NTM: variants seen among roughly 807,000 people sequenced by gnomAD.
The protein encoded by NTM is IgLON family member 2.
Under a neutral mutation model 42.1 loss-of-function variants are expected in NTM, and 13 were observed. The observed-to-expected ratio is 0.31, with a 90% CI of 0.20 to 0.49. The LOEUF (loss-of-function observed/expected upper bound fraction) is 0.49, where lower values mean the gene tolerates loss of function less well. NTM is among the 20% of genes least tolerant of loss of function. The pLI, the probability that NTM is intolerant of heterozygous loss-of-function variation, is 0.99. For missense variants in NTM, 373 were observed against 452.8 expected, an observed-to-expected ratio of 0.82 and a Z score of 1.60; for synonymous variants, 187 against 179.2, an observed-to-expected ratio of 1.04 and a Z score of -0.35.
At chr11:132,076,646 G>A (rs913447542) in intron 2 of NTM, among the ~76,000 whole-genome samples, 1 of 152,170 alleles carries the variant, frequency 6.6e-6, no homozygotes. Context: ...GACATAATTT[G>A]TAGGGGGTAA....
chr11:131,726,994 C>T (rs2079051999), intron 1 of NTM, among the ~76,000 whole-genome samples: 1 of 151,400 alleles, frequency 6.6e-6, no homozygotes, highest in African/African-American at 2.5e-5. Flanking sequence ...CAGCCCATGC[C>T]ATTGCTCTTG....
At chr11:131,944,494 T>C (rs2060143235) in intron 2 of NTM, among the ~76,000 whole-genome samples, 1 of 152,192 alleles carries the variant, frequency 6.6e-6, no homozygotes, top group Non-Finnish European at 1.5e-5. Context: ...GGAACAATGA[T>C]ATCAGCATGT....
chr11:131,659,569 G>T (rs1026423207), intron 1 of NTM, among the ~76,000 whole-genome samples: 4 of 152,254 alleles, frequency 2.6e-5, no homozygotes, highest in African/African-American at 9.6e-5. Flanking sequence ...GAGAGAAAAA[G>T]TAGTCATCCT....
chr11:132,294,615 G>A (rs186481899), intron 4 of NTM, among the ~76,000 whole-genome samples: 1 of 152,264 alleles, frequency 6.6e-6, no homozygotes, highest in Admixed American at 6.5e-5. Flanking sequence ...AGCAGTTGAG[G>A]ACAGGAGGAG....
intron 2 of NTM, among the ~76,000 whole-genome samples, chr11:132,017,203 T>A (rs2073571660): frequency 6.6e-6 from 1 of 152,040 alleles, no homozygotes; most frequent in African/African-American, 2.4e-5. Context: ...TGATATCTAA[T>A]AATTTTACAA....
intron 4 of NTM, among the ~76,000 whole-genome samples, chr11:132,231,352 C>T (rs1172165608): frequency 6.6e-6 from 1 of 152,188 alleles, no homozygotes; most frequent in African/African-American, 2.4e-5. Context: ...TCCATAATGT[C>T]TTCTAAGTTT....
rs557409329 is a variant in NTM at position 131,742,509 on chromosome 11, T to C, written c.83-169055T>C. Among the ~76,000 whole-genome samples the C allele has an allele frequency of 3.4e-3, 512 of 152,320 alleles. 4 individuals carry two copies. Among genetic ancestry groups the C allele is most frequent in the African/African-American group, 0.011 (473 of 41,576 alleles). ...TATCATTTGGTATTTGTAATCTGAA[T>C]TATGATACAGTTTTTCTATTGGACT... On this transcript the variant is annotated intron_variant, in intron 1 of 8. Coordinates refer to ENST00000683400, the MANE Select transcript of NTM (RefSeq NM_001352005.2).
intron 1 of NTM, among the ~76,000 whole-genome samples, chr11:131,675,361 A>G (rs933834242): frequency 6.6e-6 from 1 of 152,204 alleles, no homozygotes; most frequent in Non-Finnish European, 1.5e-5. Flanking sequence ...CACAAATGTT[A>G]TTATAATAAT....
intron 1 of NTM, among the ~76,000 whole-genome samples, chr11:131,724,593 C>T (rs2078740188): frequency 6.6e-6 from 1 of 152,186 alleles, no homozygotes; most frequent in Admixed American, 6.5e-5. Flanking sequence ...CCCAGAATCT[C>T]AAGTAGTTTA....
At chr11:131,810,336 C>A (rs1371757018) in intron 1 of NTM, among the ~76,000 whole-genome samples, 1 of 152,140 alleles carries the variant, frequency 6.6e-6, no homozygotes, top group Non-Finnish European at 1.5e-5. Context: ...GATGCCCTAC[C>A]ATTTTGTGGG....
chr11:131,477,192 T>C lies in NTM; in HGVS notation c.82+106304T>C, dbSNP rs1053631855. ...AGAATCACATCTATTTGTATCAGTG[T>C]GATCACAAGCAGCAATTATAAGAAT... On this transcript the variant is annotated intron_variant, in intron 1 of 8. Transcript: ENST00000683400. Among the ~76,000 whole-genome samples the C allele has an allele frequency of 4.6e-5, 7 of 152,044 alleles. No individual in the cohort carries two copies. In the East Asian group the frequency reaches 1.4e-3, roughly 29 times the overall value.
At chr11:132,284,028 A>G (rs2094120141) in intron 4 of NTM, among the ~76,000 whole-genome samples, 1 of 152,100 alleles carries the variant, frequency 6.6e-6, no homozygotes, top group Non-Finnish European at 1.5e-5. Flanking sequence ...GTGCTTGTAG[A>G]AAGCCCCACC....
rs1371980314 is a variant in NTM, at chr11:131,925,379, TTC to T, written c.167+13735_167+13736del. Among the ~76,000 whole-genome samples, 38 of 146,112 alleles carry T rather than the reference TTC, an allele frequency of 2.6e-4. No individual in the cohort carries two copies. In the East Asian group the frequency reaches 5.4e-3, roughly 21 times the overall value. On this transcript the variant is annotated intron_variant, in intron 2 of 8. Transcript: ENST00000683400. ...AGAGTTCCTTTTTTTTTTCTTTCTT[TTC>T]TCTTTTTTTTTTTTTTTTTTTTTAA... is the stretch of plus-strand genomic sequence containing the variant.
intron 4 of NTM, chr11:132,306,502 G>A (rs965876724): frequency 5.9e-5 from 9 of 152,164 alleles, no homozygotes; most frequent in East Asian, 3.9e-4. Context: ...GAGTGCTTTC[G>A]TGCATGTGTG....
At chr11:131,559,135 G>A (rs547631123) in intron 1 of NTM, among the ~76,000 whole-genome samples, 19 of 152,286 alleles carry the variant, frequency 1.2e-4, no homozygotes, top group East Asian at 7.7e-4. Context: ...GGAAGTTTGC[G>A]TTTGTTTACT....
At chr11:131,728,680 G>A (rs1294454312) in intron 1 of NTM, among the ~76,000 whole-genome samples, 5 of 152,120 alleles carry the variant, frequency 3.3e-5, no homozygotes, top group East Asian at 1.9e-4. Flanking sequence ...TTTCAAATTC[G>A]AAAAATTGCA....
chr11:131,379,441 A>G (rs1942379743), intron 1 of NTM, among the ~76,000 whole-genome samples: 1 of 152,132 alleles, frequency 6.6e-6, no homozygotes, highest in Admixed American at 6.5e-5. Flanking sequence ...GCGGCTCCTA[A>G]CACAGCGGCT....
intron 4 of NTM, among the ~76,000 whole-genome samples, chr11:132,281,592 T>A (rs1447193914): frequency 6.6e-6 from 1 of 152,210 alleles, no homozygotes; most frequent in Non-Finnish European, 1.5e-5. Context: ...TCTGTAAGAA[T>A]AGATATCTAA....
intron 4 of NTM, among the ~76,000 whole-genome samples, chr11:132,235,573 A>C: frequency 6.6e-6 from 1 of 152,132 alleles, no homozygotes; most frequent in Non-Finnish European, 1.5e-5. Context: ...CTCCCTATGT[A>C]GCACTAACTC....
Sources: allele counts gnomAD v4.1 joint callset (sites outside exome capture counted in the v4.1 genomes callset), GRCh38; gene constraint gnomAD v4.1.1; transcripts MANE v1.5; gene names NCBI Gene and HGNC (gene_info 2026-07-23, HGNC 2026-07-21).